The following STKLD1 variants were observed in gnomAD, a reference collection of about 807,000 sequenced individuals.
STKLD1 encodes serine/threonine kinase-like domain-containing protein STKLD1.
STKLD1 carries 79 observed loss-of-function variants against 80.4 expected under a neutral mutation model. That is an observed-to-expected ratio of 0.98 (90% CI 0.82 to 1.19). The LOEUF (loss-of-function observed/expected upper bound fraction) is 1.19, where lower values mean the gene tolerates loss of function less well. Among genes scored for constraint, STKLD1 ranks in the 50% most tolerant of loss-of-function variants. The pLI, the probability that STKLD1 is intolerant of heterozygous loss-of-function variation, is 0.00. For missense variants in STKLD1, 841 were observed against 856.0 expected (o/e 0.98, Z 0.22); for synonymous variants, 393 against 357.6 (o/e 1.10, Z -1.12).
rs781848865 is a variant in STKLD1 at position 133,394,105 on chromosome 9, G to C, written c.584-186G>C. The C allele has an allele frequency of 1.9e-5, 12 of 624,844 alleles. No homozygotes were observed. The highest frequency in any genetic ancestry group is 2.9e-6 in the Non-Finnish European group (1 of 346,866). 38.7% of individuals were successfully genotyped at this position (624,844 alleles called of 1,614,324 possible). A position where few individuals can be genotyped will look rare whatever the true frequency, so the allele number is the denominator to read the frequency against. ...GATCAACACAAAGCTCCCGCTGATT[G>C]GGGCCTCTTCCTCCCCACAGTTAAT... On this transcript the variant is annotated intron_variant, in intron 7 of 17. Transcript: ENST00000371957. The surrounding 1 kb of genome is among the most constrained non-coding windows in gnomAD (Gnocchi z 4.9).
At chr9:133,393,276 GTGGA>G (rs1838461256) in intron 7 of STKLD1, among the ~76,000 whole-genome samples, 2 of 135,066 alleles carry the variant, frequency 1.5e-5, no homozygotes, top group South Asian at 5.3e-4. Context: ...GGGTGGGCGG[GTGGA>G]TGGATAGGTG....
Position 133,389,464 on chromosome 9 carries a change from C to T in STKLD1, c.397-62C>T. ...CCATCCTGCTGGCTGCTCTGAGTGT[C>T]ACCCCCCTGAAAGCAGCACAGGGTG... On this transcript the variant is annotated intron_variant, in intron 5 of 17. Coordinates refer to ENST00000371957, the MANE Select transcript of STKLD1 (RefSeq NM_153710.5). The surrounding 1 kb of genome is among the most constrained non-coding windows in gnomAD (Gnocchi z 6.4). 1.1e-5 allele frequency: 18 copies of T among 1,590,426 alleles called. No homozygotes were observed. The highest frequency in any genetic ancestry group is 1.5e-5 in the Non-Finnish European group (18 of 1,168,792).
intron 4 of STKLD1, among the ~76,000 whole-genome samples, chr9:133,386,146 T>C (rs1838260662): frequency 1.3e-5 from 2 of 152,334 alleles, no homozygotes; most frequent in South Asian, 4.1e-4. Context: ...GTTGAACTCC[T>C]GACCTTAAGT....
At chr9:133,386,757 G>A (rs587654792) in intron 4 of STKLD1, among the ~76,000 whole-genome samples, 1 of 152,248 alleles carries the variant, frequency 6.6e-6, no homozygotes, top group Non-Finnish European at 1.5e-5. Context: ...GACAGCGGGA[G>A]GCTGAGCAGG....
Position 133,395,924 on chromosome 9 carries a change from C to A in STKLD1, c.866+161C>A, listed in dbSNP as rs897082992. 35 of 730,786 alleles carry A rather than the reference C, an allele frequency of 4.8e-5. No homozygotes were observed. In the African/African-American group the frequency reaches 5.9e-4, roughly 12 times the overall value. 45.3% of individuals were successfully genotyped at this position (730,786 alleles called of 1,614,324 possible). ...AGCTGGGCTTTGCCCAGTTCTGGCT[C>A]TCCCAAACCGTGCTGCGGCGAGTAA... On this transcript the variant is annotated intron_variant, in intron 9 of 17. Transcript: ENST00000371957.
Position 133,389,574 on chromosome 9 carries a change from C to T in STKLD1, c.445C>T (p.His149Tyr), listed in dbSNP as rs2130284499. 1.2e-6 allele frequency: 2 copies of T among 1,613,566 alleles called. No individual in the cohort carries two copies. Among genetic ancestry groups the T allele is most frequent in the Middle Eastern group, 1.6e-4 (1 of 6,062 alleles). ...GGTGCTGGACGCGCTGGAATACCTG[C>T]ACCATTTGGACATCATCCACAGGTA... The part of the protein sequence containing the change: ...GQVLDALEYL[H>Y]HLDIIHRNLK... The change falls in exon 6 of 18, where the codon CAC becomes TAC. Residue 149 changes from histidine (H) to tyrosine (Y), a missense_variant. Physicochemically the swap from His to Tyr is moderately conservative, Grantham distance 83. Transcript: ENST00000371957. This position sits in a 1 kb window ranked among gnomAD's most constrained non-coding sequence, Gnocchi z 6.4.
At chr9:133,382,134 G>A (rs1012848523) in intron 2 of STKLD1, among the ~76,000 whole-genome samples, 1 of 152,188 alleles carries the variant, frequency 6.6e-6, no homozygotes, top group African/African-American at 2.4e-5. Context: ...CACCCGGAGA[G>A]GGCACAGGAG....
chr9:133,390,135 G>T lies in STKLD1; in HGVS notation c.467+539G>T, dbSNP rs1838352237. Among the ~76,000 whole-genome samples, 1 of 151,842 alleles carries T rather than the reference G, an allele frequency of 6.6e-6. No individual in the cohort carries two copies. Among genetic ancestry groups the T allele is most frequent in the African/African-American group, 2.4e-5 (1 of 41,302 alleles). On this transcript the variant is annotated intron_variant, in intron 6 of 17. Transcript: ENST00000371957. This position sits in a 1 kb window ranked among gnomAD's most constrained non-coding sequence, Gnocchi z 5.1. ...GAGGATTGCTTGAAGCCAGGAGCTT[G>T]AGGCTGCAGTGAGCTATGATCGTGC...
rs587658394 is a variant in STKLD1, at chr9:133,376,370, G to T, written c.-104G>T. The T allele has an allele frequency of 5.7e-6, 8 of 1,401,580 alleles. No individual in the cohort carries two copies. Among genetic ancestry groups the T allele is most frequent in the Admixed American group, 3.4e-5 (1 of 29,352 alleles). The allele number at this position is 1,401,580 out of a possible 1,614,324, so 86.8% of individuals were successfully genotyped here. ...CAGCGCGCGGGAGGGACGCCTGAGTGCCTCGAGGGCGCCGTTCGGGCGGGG... is the reference window on the plus strand; with the variant it reads ...CAGCGCGCGGGAGGGACGCCTGAGTTCCTCGAGGGCGCCGTTCGGGCGGGG... On this transcript the variant is annotated 5_prime_UTR_variant, in exon 1 of 18. Transcript: ENST00000371957.
chr9:133,376,587 G>T, intron 1 of STKLD1, 27 bp downstream of exon 1: 1 of 1,552,944 alleles, frequency 6.4e-7, no homozygotes. Context: ...GCGGGGAGGC[G>T]GGAGCTCCGT....
rs1554776472 is a variant in STKLD1 at position 133,394,725 on chromosome 9, G to A, written c.702+316G>A. On this transcript the variant is annotated intron_variant, in intron 8 of 17. Coordinates refer to ENST00000371957, the MANE Select transcript of STKLD1 (RefSeq NM_153710.5). The surrounding 1 kb of genome is among the most constrained non-coding windows in gnomAD (Gnocchi z 4.9). ...AAGCCAAGTTCAGGTGCCCTTGTGA[G>A]CATGAAGGCTGCACGGAGTTGCAAG... 3 of 357,146 alleles carry A rather than the reference G, an allele frequency of 8.4e-6. No homozygotes were observed. Among genetic ancestry groups the A allele is most frequent in the African/African-American group, 4.1e-5 (2 of 48,760 alleles). The allele number at this position is 357,146 out of a possible 1,614,324, so 22.1% of individuals were successfully genotyped here.
chr9:133,403,799 G>A lies in STKLD1; in HGVS notation c.1574G>A (p.Cys525Tyr), dbSNP rs1838770806. Residue 525 changes from cysteine (C) to tyrosine (Y), a missense_variant, in exon 15 of 18, where the codon TGC becomes TAC. Cys to Tyr is a radical substitution (Grantham distance 194). Transcript: ENST00000371957. ...GATGGGGAAATGGCAGAAGCCAGCT[G>A]CGGAGTCTTCTGGCTGCTGTCCCTG... ...PADGEMAEAS[C>Y]GVFWLLSLLG... 2 of 1,613,562 alleles carry A rather than the reference G, an allele frequency of 1.2e-6. No homozygotes were observed. The highest frequency in any genetic ancestry group is 1.1e-5 in the South Asian group (1 of 91,096).
intron 9 of STKLD1, among the ~76,000 whole-genome samples, chr9:133,396,768 CA>C (rs1838574391): frequency 6.6e-6 from 1 of 152,042 alleles, no homozygotes; most frequent in African/African-American, 2.4e-5. Flanking sequence ...AAAAAAAACC[CA>C]AACAAAACAA....
Position 133,405,311 on chromosome 9 carries a change from G to A in STKLD1, c.1933G>A (p.Glu645Lys). The A allele has an allele frequency of 2.5e-6, 4 of 1,612,932 alleles. No homozygotes were observed. Among genetic ancestry groups the A allele is most frequent in the South Asian group, 2.2e-5 (2 of 91,064 alleles). Residue 645 changes from glutamate (E) to lysine (K), a missense_variant, in exon 18 of 18, where the codon GAG becomes AAG. Coordinates refer to ENST00000371957, the MANE Select transcript of STKLD1 (RefSeq NM_153710.5). ...SMKALLQEIKERFTSSLVSDS... is the reference protein window; with the variant it reads ...SMKALLQEIKKRFTSSLVSDS... ...GAAGGCCCTGCTCCAGGAGATCAAG[G>A]AGCGCTTCACCTCCAGCCTGGTGAG...
intron 8 of STKLD1, among the ~76,000 whole-genome samples, chr9:133,395,045 A>C (rs1838523721): frequency 6.6e-6 from 1 of 152,154 alleles, no homozygotes; most frequent in South Asian, 2.1e-4. Flanking sequence ...AAGGCCTGCC[A>C]TGCCCAAAAC....
chr9:133,397,224 C>A lies in STKLD1; in HGVS notation c.927C>A (p.Thr309=). 6.2e-7 allele frequency: 1 copy of A among 1,613,970 alleles called. No homozygotes were observed. Among genetic ancestry groups the A allele is most frequent in the South Asian group, 1.1e-5 (1 of 91,072 alleles). ...TCAAGTCCTCGTGCGTCTCTCTGAC[C>A]CTGCACCGGCAGATGGTGCCTGCGT... ...GSFKSSCVSL[T]LHRQMVPASI... Residue 309 remains threonine, a synonymous_variant, in exon 10 of 18, where the codon ACC becomes ACA. Coordinates refer to ENST00000371957, the MANE Select transcript of STKLD1 (RefSeq NM_153710.5).
intron 1 of STKLD1, among the ~76,000 whole-genome samples, chr9:133,377,529 G>A (rs1838015185): frequency 1.3e-5 from 2 of 152,226 alleles, no homozygotes. Context: ...CAGGTGTGGT[G>A]GCGCATGCCT....
Sources: allele counts gnomAD v4.1 joint callset (sites outside exome capture counted in the v4.1 genomes callset), GRCh38; gene constraint gnomAD v4.1.1; non-coding constraint Gnocchi (gnomAD v3.1); transcripts MANE v1.5; gene names NCBI Gene and HGNC (gene_info 2026-07-23, HGNC 2026-07-21).